Variants in MACROD2 observed in about 807,000 individuals in gnomAD.
MACROD2 encodes the protein ADP-ribose glycohydrolase MACROD2.
A neutral mutation model predicts 70.4 loss-of-function variants in MACROD2; 36 were observed. The ratio of observed to expected loss-of-function variants is 0.51; its 90% confidence interval spans 0.39 to 0.68. MACROD2 has a LOEUF of 0.68. Ranked by LOEUF, MACROD2 falls within the 30% of genes least tolerant of loss-of-function variation. The pLI is 0.00. For missense variants in MACROD2, 496 were observed against 538.4 expected, an observed-to-expected ratio of 0.92 and a Z score of 0.78; for synonymous variants, 172 against 178.8, an observed-to-expected ratio of 0.96 and a Z score of 0.30.
At chr20:15,812,222 G>C (rs1226430049) in intron 8 of MACROD2, among the ~76,000 whole-genome samples, 1 of 152,128 alleles carries the variant, frequency 6.6e-6, no homozygotes, top group African/African-American at 2.4e-5. Context: ...TATACAAGGT[G>C]GGCTTCCAGC....
At chr20:15,639,736 T>G (rs1248115485) in intron 8 of MACROD2, among the ~76,000 whole-genome samples, 2 of 152,160 alleles carry the variant, frequency 1.3e-5, no homozygotes, top group Non-Finnish European at 2.9e-5. Context: ...CCATGTTTGT[T>G]CAGTGGGACC....
intron 16 of MACROD2, among the ~76,000 whole-genome samples, chr20:16,043,539 G>A (rs912020887): frequency 6.6e-6 from 1 of 152,062 alleles, no homozygotes; most frequent in Non-Finnish European, 1.5e-5. Context: ...TTTAGAGTGA[G>A]TGCTATGCCT....
In MACROD2 at chr20:14,522,965, G is replaced by A. The variant is rs80048537; in HGVS notation, c.301+29457G>A. ...TAAATGAATGAAGGAAGGAAATACC[G>A]GTCTCACAGTCACGCCTTTTATACT... On this transcript the variant is annotated intron_variant, in intron 4 of 17. Transcript: ENST00000684519. 3.0e-3 allele frequency among the ~76,000 whole-genome samples: 456 copies of A among 152,164 alleles called. 1 individual carries two copies. Among genetic ancestry groups the A allele is most frequent in the African/African-American group, 9.9e-3 (412 of 41,496 alleles).
intron 5 of MACROD2, among the ~76,000 whole-genome samples, chr20:14,953,114 G>A (rs766952694): frequency 6.6e-6 from 1 of 151,884 alleles, no homozygotes; most frequent in Non-Finnish European, 1.5e-5. Context: ...AGAAAAAAAA[G>A]GGCCTGGTCA....
At chr20:14,919,923 T>A (rs1836029108) in intron 5 of MACROD2, among the ~76,000 whole-genome samples, 1 of 152,192 alleles carries the variant, frequency 6.6e-6, no homozygotes, top group Admixed American at 6.5e-5. Flanking sequence ...GCAACTCCTA[T>A]GAGCAATCAT....
At chr20:15,746,220 A>C (rs763026540) in intron 8 of MACROD2, among the ~76,000 whole-genome samples, 4 of 152,026 alleles carry the variant, frequency 2.6e-5, no homozygotes, top group Non-Finnish European at 4.4e-5. Flanking sequence ...TTTTTGTAAA[A>C]ACCTTGCATA....
At chr20:14,173,045 C>A (rs1378658793) in intron 3 of MACROD2, among the ~76,000 whole-genome samples, 3 of 152,110 alleles carry the variant, frequency 2.0e-5, no homozygotes, top group South Asian at 2.1e-4. Flanking sequence ...TTATAGTTAC[C>A]TGATGCTTTT....
chr20:14,670,153 C>A (rs116050405), intron 4 of MACROD2, among the ~76,000 whole-genome samples: 2,794 of 152,162 alleles, frequency 0.018, 89 homozygotes, highest in African/African-American at 0.064. Context: ...TCTTACAGCA[C>A]CGTTTTCACC....
chr20:14,230,984 A>G (rs1006457610), intron 3 of MACROD2, among the ~76,000 whole-genome samples: 1 of 151,680 alleles, frequency 6.6e-6, no homozygotes, highest in Non-Finnish European at 1.5e-5. Flanking sequence ...AATATTTTGA[A>G]AGGAATCTTT....
At chr20:14,839,124 G>A (rs1424737629) in intron 5 of MACROD2, among the ~76,000 whole-genome samples, 1 of 152,054 alleles carries the variant, frequency 6.6e-6, no homozygotes, top group African/African-American at 2.4e-5. Context: ...TCCTCCATGT[G>A]ACTCCAAGTT....
chr20:15,592,558 C>T (rs970419353), intron 8 of MACROD2, among the ~76,000 whole-genome samples: 3 of 152,214 alleles, frequency 2.0e-5, no homozygotes, highest in Non-Finnish European at 4.4e-5. Flanking sequence ...ATAAAAGATT[C>T]GTCCTTGCCT....
chr20:14,066,431 A>G (rs1048223606), intron 2 of MACROD2, among the ~76,000 whole-genome samples: 2 of 152,228 alleles, frequency 1.3e-5, no homozygotes. Context: ...ATTTTGATAC[A>G]TAGTCTTGAA....
intron 8 of MACROD2, among the ~76,000 whole-genome samples, chr20:15,799,567 T>C (rs2206712): frequency 0.074 from 11,311 of 152,222 alleles, 968 homozygotes; most frequent in East Asian, 0.3. Context: ...GTCTGGGCGA[T>C]TTCACTTAAA....
chr20:14,313,212 C>T (rs1177465544), intron 3 of MACROD2, among the ~76,000 whole-genome samples: 1 of 152,104 alleles, frequency 6.6e-6, no homozygotes, highest in Non-Finnish European at 1.5e-5. Context: ...GAATTCTTAA[C>T]CCTCTAGTTT....
intron 6 of MACROD2, among the ~76,000 whole-genome samples, chr20:15,393,156 A>G (rs993831001): frequency 6.6e-6 from 1 of 152,176 alleles, no homozygotes; most frequent in Non-Finnish European, 1.5e-5. Context: ...GTTGACATCA[A>G]GCAAAAGAAG....
At chr20:14,875,306 A>G (rs1402011813) in intron 5 of MACROD2, among the ~76,000 whole-genome samples, 1 of 151,900 alleles carries the variant, frequency 6.6e-6, no homozygotes, top group East Asian at 2.0e-4. Context: ...GCTTTAACCC[A>G]GGAGGTAGAA....
At chr20:15,709,413 C>A (rs1365979910) in intron 8 of MACROD2, among the ~76,000 whole-genome samples, 2 of 152,142 alleles carry the variant, frequency 1.3e-5, no homozygotes, top group African/African-American at 4.8e-5. Context: ...GTAATCCCAG[C>A]ACTTTGGGAG....
intron 8 of MACROD2, among the ~76,000 whole-genome samples, chr20:15,788,191 C>T (rs1034649642): frequency 1.4e-4 from 21 of 152,080 alleles, no homozygotes; most frequent in African/African-American, 4.8e-4. Context: ...AGACAAAAAG[C>T]GACCAGTTTA....
chr20:15,320,540 C>T (rs1047613921), intron 6 of MACROD2, among the ~76,000 whole-genome samples: 2 of 152,168 alleles, frequency 1.3e-5, no homozygotes, highest in African/African-American at 4.8e-5. Context: ...ATTCCTCATT[C>T]ATTCATTTTA....
Sources: allele counts gnomAD v4.1 joint callset (sites outside exome capture counted in the v4.1 genomes callset), GRCh38; gene constraint gnomAD v4.1.1; transcripts MANE v1.5; gene names NCBI Gene and HGNC (gene_info 2026-07-23, HGNC 2026-07-21).